GMCL1: variants seen among roughly 807,000 people sequenced by gnomAD.
GMCL1 encodes germ cell-less 1, spermatogenesis associated, also known as germ cell-less protein-like 1.
A neutral mutation model predicts 75.5 loss-of-function variants in GMCL1; 54 were observed. That is an observed-to-expected ratio of 0.71 (90% CI 0.57 to 0.90). The LOEUF (loss-of-function observed/expected upper bound fraction) is 0.90. Among genes scored for constraint, GMCL1 ranks in the 40% least tolerant of loss-of-function variants. The pLI is 0.00. For synonymous variants in GMCL1, 210 were observed against 209.6 expected (o/e 1.00, Z -0.02); for missense variants, 537 against 622.7 (o/e 0.86, Z 1.47).
intron 13 of GMCL1, among the ~76,000 whole-genome samples, chr2:69,876,592 G>A (rs1005450093): frequency 6.6e-6 from 1 of 152,210 alleles, no homozygotes; most frequent in African/African-American, 2.4e-5. Flanking sequence ...CAGGAAATGT[G>A]TAGAGAATAT....
intron 11 of GMCL1, among the ~76,000 whole-genome samples, chr2:69,867,924 C>T (rs1484172220): frequency 6.6e-6 from 1 of 152,236 alleles, no homozygotes; most frequent in Non-Finnish European, 1.5e-5. Context: ...TATCTGATGG[C>T]CTTGCTGCCT....
intron 9 of GMCL1, among the ~76,000 whole-genome samples, chr2:69,860,236 C>T (rs1675603212): frequency 6.6e-6 from 1 of 152,086 alleles, no homozygotes; most frequent in African/African-American, 2.4e-5. Context: ...AGTGATCCTC[C>T]TACCTCAGCC....
intron 6 of GMCL1, among the ~76,000 whole-genome samples, chr2:69,845,325 G>C (rs947840489): frequency 1.3e-5 from 2 of 152,198 alleles, no homozygotes; most frequent in Admixed American, 6.5e-5. Flanking sequence ...GTCCAAGCTG[G>C]AATAATAGGA....
intron 1 of GMCL1, 40 bp downstream of exon 1, chr2:69,830,192 C>T (rs1674631808): frequency 6.5e-7 from 1 of 1,535,604 alleles, no homozygotes. Context: ...CGGACCCGCA[C>T]CTGTTGGGCC....
chr2:69,830,840 T>C (rs377428735), intron 1 of GMCL1, among the ~76,000 whole-genome samples: 1 of 151,744 alleles, frequency 6.6e-6, no homozygotes, highest in Non-Finnish European at 1.5e-5. Flanking sequence ...AGGTAGAATA[T>C]ATGCTTACAC....
intron 9 of GMCL1, 29 bp from the exon 10 acceptor site, chr2:69,861,249 A>G (rs1283662259): frequency 7.1e-6 from 10 of 1,415,686 alleles, no homozygotes; most frequent in Non-Finnish European, 9.8e-6. Context: ...GTCGTTATTT[A>G]TTATTATTAA....
chr2:69,829,992 A>G lies in GMCL1; in HGVS notation c.100A>G (p.Thr34Ala), dbSNP rs1380416461. Residue 34 changes from threonine (T) to alanine (A), a missense_variant, in exon 1 of 14, where the codon ACT (threonine) becomes GCT (alanine). This residue lies in a region of GMCL1 where 144 missense variants were observed against 127.2 expected (regional missense o/e 1.13). Coordinates refer to ENST00000282570, the MANE Select transcript of GMCL1 (RefSeq NM_178439.5). The part of the protein sequence containing the change: ...RAGGSARRPD[T>A]GDDAAGHGFC... ...GGGGGGCTCGGCCCGGAGGCCGGACACTGGAGACGATGCGGCGGGCCACGG... is the reference window on the plus strand; with the variant it reads ...GGGGGGCTCGGCCCGGAGGCCGGACGCTGGAGACGATGCGGCGGGCCACGG... 5.7e-6 allele frequency: 9 copies of G among 1,579,820 alleles called. No homozygotes were observed. The highest frequency in any genetic ancestry group is 6.0e-6 in the Non-Finnish European group (7 of 1,162,774).
intron 13 of GMCL1, among the ~76,000 whole-genome samples, chr2:69,877,923 AAAAT>A (rs1253148191): frequency 2.6e-5 from 4 of 152,250 alleles, no homozygotes; most frequent in African/African-American, 7.2e-5. Context: ...TATCTTATCC[AAAAT>A]AAATAAAGTG....
rs1675937012 is a variant in GMCL1 at position 69,869,854 on chromosome 2, A to G, written c.1354A>G (p.Ile452Val). The change falls in exon 12 of 14, where the codon ATA (isoleucine) becomes GTA (valine). Residue 452 changes from isoleucine (I) to valine (V), a missense_variant. This residue lies in a region of GMCL1 where 345 missense variants were observed against 410.5 expected (regional missense o/e 0.84). Coordinates refer to ENST00000282570, the MANE Select transcript of GMCL1 (RefSeq NM_178439.5). ...GSVSLQPRRS[I>V]AFRLRLASFD... is the part of the protein sequence containing the mutation. ...TGTCAGTTTACAGCCTCGAAGGAGCATAGCATTTAGGTAGGATGAGATTTC... is the reference window on the plus strand; with the variant it reads ...TGTCAGTTTACAGCCTCGAAGGAGCGTAGCATTTAGGTAGGATGAGATTTC... 2 of 1,613,726 alleles carry G rather than the reference A, an allele frequency of 1.2e-6. No individual in the cohort carries two copies. The highest frequency in any genetic ancestry group is 1.6e-4 in the Middle Eastern group (1 of 6,062).
intron 6 of GMCL1, 70 bp from the exon 7 acceptor site, chr2:69,847,473 T>G (rs1181724914): frequency 2.1e-6 from 2 of 956,688 alleles, no homozygotes; most frequent in Non-Finnish European, 3.4e-6. Flanking sequence ...GACTTAAAGC[T>G]TTTATTTCTA....
chr2:69,860,531 A>G (rs1451515869), intron 9 of GMCL1, among the ~76,000 whole-genome samples: 1 of 152,120 alleles, frequency 6.6e-6, no homozygotes, highest in African/African-American at 2.4e-5. Flanking sequence ...CAAAAAACCA[A>G]TTAATTGTTT....
intron 6 of GMCL1, among the ~76,000 whole-genome samples, chr2:69,846,275 G>T (rs1210894573): frequency 6.6e-6 from 1 of 152,036 alleles, no homozygotes; most frequent in African/African-American, 2.4e-5. Flanking sequence ...TTATCCATGG[G>T]TTCTCCATTT....
At chr2:69,864,708 G>A (rs1573367191) in intron 10 of GMCL1, among the ~76,000 whole-genome samples, 192 bp from the exon 11 acceptor site, 1 of 145,814 alleles carries the variant, frequency 6.9e-6, no homozygotes, top group African/African-American at 2.5e-5. Flanking sequence ...GTGAAACATA[G>A]AAGATATTAA....
At chr2:69,831,161 T>C (rs1674660087) in intron 1 of GMCL1, among the ~76,000 whole-genome samples, 1 of 152,130 alleles carries the variant, frequency 6.6e-6, no homozygotes, top group Admixed American at 6.5e-5. Flanking sequence ...TCAGGTGATC[T>C]GCTGGCCTCA....
chr2:69,829,689 G>T lies in GMCL1; in HGVS notation c.-204G>T, dbSNP rs554854503. The T allele has an allele frequency of 5.3e-6, 3 of 563,540 alleles. No individual in the cohort carries two copies. Among genetic ancestry groups the T allele is most frequent in the Admixed American group, 3.6e-5 (1 of 27,802 alleles). The allele number at this position is 563,540 out of a possible 1,614,324, so 34.9% of individuals were successfully genotyped here. A position where few individuals can be genotyped will look rare whatever the true frequency, so the allele number is the denominator to read the frequency against. ...TGTTGCGAAAGCGAGGGGGCGAGGTGCTGCGGTGCTAGAGCGCGGCGCGAC... is the reference window on the plus strand; with the variant it reads ...TGTTGCGAAAGCGAGGGGGCGAGGTTCTGCGGTGCTAGAGCGCGGCGCGAC... On this transcript the variant is annotated 5_prime_UTR_variant, in exon 1 of 14. Coordinates refer to ENST00000282570, the MANE Select transcript of GMCL1 (RefSeq NM_178439.5).
intron 4 of GMCL1, 62 bp downstream of exon 4, chr2:69,841,101 C>A: frequency 8.9e-7 from 1 of 1,124,750 alleles, no homozygotes; most frequent in Non-Finnish European, 1.3e-6. Flanking sequence ...AAAGTGTGTA[C>A]TCCAAAAACA....
intron 2 of GMCL1, among the ~76,000 whole-genome samples, chr2:69,838,326 G>C (rs1397225987): frequency 1.4e-5 from 1 of 72,540 alleles, no homozygotes; most frequent in Non-Finnish European, 2.5e-5. Context: ...AACAGAGCGA[G>C]ACTCTGTCTC....
At chr2:69,865,731 CTG>C in intron 11 of GMCL1, among the ~76,000 whole-genome samples, 1 of 152,226 alleles carries the variant, frequency 6.6e-6, no homozygotes, top group Middle Eastern at 3.4e-3. Context: ...ATACTTACCC[CTG>C]TGCATCCAGA....
In GMCL1 at chr2:69,843,264, G is replaced by A. The variant is rs906577682; in HGVS notation, c.692+3G>A. On this transcript the variant is annotated splice_donor_region_variant and intron_variant, in intron 5 of 13. Coordinates refer to ENST00000282570, the MANE Select transcript of GMCL1 (RefSeq NM_178439.5). ...GGATTAGATTCTGTAAAGAAAAAGTGAGTTGCCTTTCTTGTTTTTCTTCCT... is the reference window on the plus strand; with the variant it reads ...GGATTAGATTCTGTAAAGAAAAAGTAAGTTGCCTTTCTTGTTTTTCTTCCT... 6.6e-7 allele frequency: 1 copy of A among 1,507,572 alleles called. No individual in the cohort carries two copies. Among genetic ancestry groups the A allele is most frequent in the African/African-American group, 1.4e-5 (1 of 72,748 alleles). The allele number at this position is 1,507,572 out of a possible 1,614,324, so 93.4% of individuals were successfully genotyped here.
Sources: gnomAD v4.1 joint callset for allele counts (sites outside exome capture counted in the v4.1 genomes callset) on GRCh38, gnomAD v4.1.1 for gene constraint, gnomAD v4.1.1 regional missense constraint, MANE v1.5 for transcripts, NCBI Gene and HGNC (gene_info 2026-07-23, HGNC 2026-07-21) for gene names.